CPAMD8: variants seen among roughly 807,000 people sequenced by gnomAD.
CPAMD8 encodes C3 and PZP like alpha-2-macroglobulin domain containing 8.
CPAMD8 carries 146 observed loss-of-function variants against 224.7 expected under a neutral mutation model. The observed-to-expected ratio is 0.65, with a 90% confidence interval of 0.57 to 0.75. The LOEUF (loss-of-function observed/expected upper bound fraction) is 0.75, where lower values mean the gene tolerates loss of function less well. Ranked by LOEUF, CPAMD8 falls within the 30% of genes least tolerant of loss-of-function variation. CPAMD8 has a pLI of 0.00. For synonymous variants in CPAMD8, 966 were observed against 1,044.6 expected, an observed-to-expected ratio of 0.92 and a Z score of 1.45; for missense variants, 2,301 against 2,537.5, an observed-to-expected ratio of 0.91 and a Z score of 2.00.
At chr19:16,895,994 TGAATG>T (rs1335844153) in intron 41 of CPAMD8, 177 bp downstream of exon 41, 1 of 738,614 alleles carries the variant, frequency 1.4e-6, no homozygotes, top group South Asian at 1.5e-5. Flanking sequence ...GGAGGGAGGA[TGAATG>T]TCCCACTTTG....
At chr19:16,897,590 T>C in intron 39 of CPAMD8, 101 bp downstream of exon 39, 2 of 651,382 alleles carry the variant, frequency 3.1e-6, no homozygotes, top group South Asian at 2.0e-5. Context: ...CGTTGGCCCC[T>C]CCTCTGCCAA....
chr19:16,926,155 C>A (rs2053350650), intron 25 of CPAMD8, among the ~76,000 whole-genome samples: 1 of 151,976 alleles, frequency 6.6e-6, no homozygotes. Context: ...GTTGGAGGTG[C>A]ATTTTTCAGT....
At chr19:16,985,594 T>C (rs993225828) in intron 13 of CPAMD8, among the ~76,000 whole-genome samples, 123 of 124,756 alleles carry the variant, frequency 9.9e-4, no homozygotes, top group African/African-American at 3.7e-3. Context: ...GGAGGGAGAG[T>C]AAATGGATGG....
At chr19:16,987,180 ATATATATATATATAT>A (rs1201168182) in intron 13 of CPAMD8, among the ~76,000 whole-genome samples, 1 of 41,942 alleles carries the variant, frequency 2.4e-5, no homozygotes, top group Admixed American at 3.9e-4. Flanking sequence ...AAAAAAAAAA[ATATATATATATATAT>A]ATATATATAT....
rs758738200 is a variant in CPAMD8, at chr19:17,009,279, C to G, written c.504+24G>C. On this transcript the variant is annotated intron_variant, in intron 6 of 41. Transcript: ENST00000443236. Reference sequence around the variant, plus strand: ...GGCTACCCGGGCCCCAAGTCCAAGCCGAGGAAGGACAGAGGCCACTCACCA... The same window carrying G: ...GGCTACCCGGGCCCCAAGTCCAAGCGGAGGAAGGACAGAGGCCACTCACCA... 5 of 1,613,758 alleles carry G rather than the reference C, an allele frequency of 3.1e-6. 1 individual carries two copies. The African/African-American group carries it at 4.0e-5, about 13-fold the overall frequency.
intron 1 of CPAMD8, among the ~76,000 whole-genome samples, chr19:17,025,210 A>G (rs1284353819): frequency 6.6e-6 from 1 of 152,198 alleles, no homozygotes; most frequent in Non-Finnish European, 1.5e-5. Context: ...CAGGAGTTCC[A>G]GAACAGCCTG....
At chr19:16,954,704 G>C (rs1417439913) in intron 19 of CPAMD8, among the ~76,000 whole-genome samples, 6 of 152,324 alleles carry the variant, frequency 3.9e-5, no homozygotes, top group Non-Finnish European at 7.3e-5. Context: ...AGGGAAGGAG[G>C]CTGGGTACAG....
chr19:16,926,628 C>T (rs1485682570), intron 25 of CPAMD8, among the ~76,000 whole-genome samples: 5 of 152,138 alleles, frequency 3.3e-5, no homozygotes, highest in Admixed American at 2.0e-4. Flanking sequence ...TTCTTTCTTT[C>T]TTTAGCCTCT....
intron 36 of CPAMD8, among the ~76,000 whole-genome samples, chr19:16,900,864 TA>T (rs1265628052): frequency 6.6e-6 from 1 of 151,624 alleles, no homozygotes; most frequent in African/African-American, 2.4e-5. Flanking sequence ...ATACAAAAAT[TA>T]GCAGGGCATG....
At position 16,997,121 on chromosome 19, in the gene CPAMD8, TA is replaced by T. The variant is rs2056152404; in HGVS notation, c.1084del (p.Tyr362ThrfsTer18). Reference sequence around the variant, plus strand: ...TCACCCCCAAGTTACCTTCCCCACGTAGGCCAGGCCCGGCTTGAACTGCTTC... The same window carrying T: ...TCACCCCCAAGTTACCTTCCCCACGTGGCCAGGCCCGGCTTGAACTGCTTC... ...TRKQFKPGLAYVGKVELSYPD... is the reference protein window; with the variant it reads ...TRKQFKPGLAXVGKVELSYPD... On this transcript the variant is annotated frameshift_variant, in exon 11 of 42. Coordinates refer to ENST00000443236, the MANE Select transcript of CPAMD8 (RefSeq NM_015692.5). LOFTEE classifies it high-confidence loss of function. 6.2e-7 allele frequency: 1 copy of T among 1,606,032 alleles called. No homozygotes were observed. The highest frequency in any genetic ancestry group is 8.5e-7 in the Non-Finnish European group (1 of 1,172,930).
intron 21 of CPAMD8, 94 bp from the exon 22 acceptor site, chr19:16,945,773 A>ATGCATGTGTGTGTGTG: frequency 8.6e-7 from 1 of 1,158,102 alleles, no homozygotes; most frequent in Non-Finnish European, 1.3e-6. Flanking sequence ...GTGTGCATGC[A>ATGCATGTGTGTGTGTG]TGCATGTGTG....
intron 18 of CPAMD8, among the ~76,000 whole-genome samples, chr19:16,958,642 T>C (rs919231262): frequency 2.0e-5 from 3 of 152,148 alleles, no homozygotes; most frequent in African/African-American, 7.2e-5. Context: ...TACTCAGTAA[T>C]GGGATTGCTG....
At chr19:17,022,590 C>T (rs2123270785) in intron 1 of CPAMD8, among the ~76,000 whole-genome samples, 1 of 152,068 alleles carries the variant, frequency 6.6e-6, no homozygotes, top group South Asian at 2.1e-4. Flanking sequence ...CCTCCACCTC[C>T]CGGGTTCAAG....
At chr19:16,955,403 G>A (rs931311374) in intron 19 of CPAMD8, among the ~76,000 whole-genome samples, 1 of 152,128 alleles carries the variant, frequency 6.6e-6, no homozygotes, top group African/African-American at 2.4e-5. Flanking sequence ...AATACTACAT[G>A]ATTCCACTTA....
At chr19:16,926,943 G>A (rs2053385515) in intron 25 of CPAMD8, among the ~76,000 whole-genome samples, 1 of 152,056 alleles carries the variant, frequency 6.6e-6, no homozygotes, top group African/African-American at 2.4e-5. Context: ...GAGTCCCAGG[G>A]CCTCCACCCT....
intron 22 of CPAMD8, among the ~76,000 whole-genome samples, chr19:16,943,260 C>A (rs2053965018): frequency 6.6e-6 from 1 of 152,044 alleles, no homozygotes; most frequent in African/African-American, 2.4e-5. Flanking sequence ...AGGTGGTCTG[C>A]CCACCTTGGC....
At chr19:17,025,503 T>C (rs1297927335) in intron 1 of CPAMD8, among the ~76,000 whole-genome samples, 2 of 152,176 alleles carry the variant, frequency 1.3e-5, no homozygotes, top group African/African-American at 4.8e-5. Context: ...CCAAGGTCTG[T>C]CATGTGGGGC....
At position 16,903,922 on chromosome 19, in the gene CPAMD8, C is replaced by T; in HGVS notation, c.4252-65G>A. On this transcript the variant is annotated intron_variant, in intron 32 of 41. Transcript: ENST00000443236. The stretch of plus-strand genomic sequence containing the variant: ...GAGTTGGCCAGTGGTCCCCTGAACC[C>T]CGTCTTGGAAGCCTAGCCTAAAACA... The T allele has an allele frequency of 2.0e-6, 3 of 1,518,590 alleles. No individual in the cohort carries two copies. The Admixed American group carries it at 5.2e-5, about 26-fold the overall frequency. 94.1% of individuals were successfully genotyped at this position (1,518,590 alleles called of 1,614,324 possible).
Position 17,011,731 on chromosome 19 carries a change from C to T in CPAMD8, c.294G>A (p.Ala98=), listed in dbSNP as rs551696383. 2 of 1,613,872 alleles carry T rather than the reference C, an allele frequency of 1.2e-6. No homozygotes were observed. The highest frequency in any genetic ancestry group is 1.1e-5 in the South Asian group (1 of 91,040). ...LKVPTGLRGQ[A]LLKVWGRGWQ... ...AGCCGCGGCCCCACACTTTCAGAAG[C>T]GCTTGGCCCCGGAGGCCCGTGGGCA... The change falls in exon 4 of 42, where the codon GCG becomes GCA. Residue 98 remains alanine (A), a synonymous_variant. Coordinates refer to ENST00000443236, the MANE Select transcript of CPAMD8 (RefSeq NM_015692.5).
Sources: gnomAD v4.1 joint callset for allele counts (sites outside exome capture counted in the v4.1 genomes callset) on GRCh38, gnomAD v4.1.1 for gene constraint, MANE v1.5 for transcripts, NCBI Gene and HGNC (gene_info 2026-07-23, HGNC 2026-07-21) for gene names.